MCCC1: variants seen among roughly 807,000 people sequenced by gnomAD.
MCCC1 encodes methylcrotonoyl-CoA carboxylase subunit alpha, mitochondrial.
In MCCC1, 64 loss-of-function variants were observed where a neutral mutation model predicts 83.8. The observed-to-expected ratio is 0.76, with a 90% confidence interval of 0.62 to 0.94. MCCC1 has a LOEUF of 0.94. Among genes scored for constraint, MCCC1 ranks in the 40% least tolerant of loss-of-function variants. The probability of loss-of-function intolerance (pLI) is 0.00; values close to 1 mark genes in which losing one functional copy is unlikely to be tolerated. For missense variants in MCCC1, 807 were observed against 904.7 expected (o/e 0.89, Z 1.39); for synonymous variants, 322 against 315.4 (o/e 1.02, Z -0.22).
chr3:183,044,649 G>C (rs12637471), intron 10 of MCCC1, among the ~76,000 whole-genome samples: 2 of 151,938 alleles, frequency 1.3e-5, no homozygotes, highest in South Asian at 4.1e-4. Flanking sequence ...TGTGGCCTTA[G>C]GTAGACCATG....
intron 9 of MCCC1, among the ~76,000 whole-genome samples, chr3:183,049,387 T>C (rs6806354): frequency 0.9 from 136,511 of 151,854 alleles, 61,670 homozygotes; most frequent in East Asian, 1. Context: ...CTGGCCAAGA[T>C]GGTGAAACCC....
Position 183,025,744 on chromosome 3 carries a change from G to A in MCCC1, c.1731+11C>T. 2 of 1,612,912 alleles carry A rather than the reference G, an allele frequency of 1.2e-6. No homozygotes were observed. The highest frequency in any genetic ancestry group is 8.5e-7 in the Non-Finnish European group (1 of 1,178,930). ...AGCTCTGCACTGTAGAACAAAACCA[G>A]TAAGGCTTACCTGCATGCTATAAGA... is the stretch of plus-strand genomic sequence containing the variant. On this transcript the variant is annotated intron_variant, in intron 15 of 18. Coordinates refer to ENST00000265594, the MANE Select transcript of MCCC1 (RefSeq NM_020166.5).
At chr3:183,025,728 C>G in intron 15 of MCCC1, 27 bp downstream of exon 15, 1 of 1,606,828 alleles carries the variant, frequency 6.2e-7, no homozygotes, top group Non-Finnish European at 8.5e-7. Context: ...CAGCTCTGCA[C>G]TGTAGAACAA....
chr3:183,115,083 G>A (rs908059089), intron 1 of MCCC1, among the ~76,000 whole-genome samples: 1 of 152,082 alleles, frequency 6.6e-6, no homozygotes, highest in Admixed American at 6.6e-5. Flanking sequence ...TTACAAAAAA[G>A]AGCCACACCA....
intron 1 of MCCC1, among the ~76,000 whole-genome samples, chr3:183,104,934 G>T (rs1289383779): frequency 6.6e-6 from 1 of 152,166 alleles, no homozygotes; most frequent in Non-Finnish European, 1.5e-5. Context: ...CCTAGCAAAA[G>T]AATTTCTTGG....
intron 8 of MCCC1, 51 bp downstream of exon 8, chr3:183,057,260 G>T: frequency 7.4e-7 from 1 of 1,357,982 alleles, no homozygotes; most frequent in Non-Finnish European, 1.0e-6. Context: ...GAAAATCAGA[G>T]TAAGATTCAC....
At position 183,044,276 on chromosome 3, in the gene MCCC1, A is replaced by C. The variant is rs148710700; in HGVS notation, c.1083+1137T>G. On this transcript the variant is annotated intron_variant, in intron 10 of 18. Transcript: ENST00000265594. ...GAAAAAGAAGGCTAAAGTAAAATCT[A>C]TTGTTCTTATGAGAACAAAAACAGA... Among the ~76,000 whole-genome samples, 8 of 152,332 alleles carry C rather than the reference A, an allele frequency of 5.3e-5. No individual in the cohort carries two copies. The East Asian group carries it at 1.5e-3, about 29-fold the overall frequency.
At chr3:183,099,510 T>C (rs2108578336), upstream of MCCC1, 2 of 1,536,000 alleles carry the variant, frequency 1.3e-6, no homozygotes, top group Non-Finnish European at 1.8e-6. Context: ...CCAAACCCGT[T>C]CCTCCACTAC....
At chr3:183,041,198 T>C (rs1299264444) in intron 11 of MCCC1, among the ~76,000 whole-genome samples, 2 of 152,236 alleles carry the variant, frequency 1.3e-5, no homozygotes, top group South Asian at 4.1e-4. Flanking sequence ...GTTTATGTGT[T>C]AATTCTCCAA....
intron 16 of MCCC1, among the ~76,000 whole-genome samples, chr3:183,020,565 A>G (rs1225025512): frequency 6.6e-6 from 1 of 152,062 alleles, no homozygotes; most frequent in African/African-American, 2.4e-5. Flanking sequence ...TGGGAGGTAG[A>G]GGCTGCAGTG....
At chr3:183,057,967 A>G (rs920799724) in intron 7 of MCCC1, among the ~76,000 whole-genome samples, 3 of 152,234 alleles carry the variant, frequency 2.0e-5, no homozygotes, top group Non-Finnish European at 2.9e-5. Context: ...ATAAAATGGC[A>G]ATTAAGACAC....
At chr3:183,097,273 T>C (rs918992373) in intron 1 of MCCC1, among the ~76,000 whole-genome samples, 8 of 152,082 alleles carry the variant, frequency 5.3e-5, no homozygotes, top group Admixed American at 4.6e-4. Context: ...GCTGCTTCCC[T>C]GATTCAAGGT....
intron 3 of MCCC1, among the ~76,000 whole-genome samples, chr3:183,087,540 C>T (rs577366004): frequency 2.6e-5 from 4 of 152,200 alleles, no homozygotes; most frequent in East Asian, 1.9e-4. Flanking sequence ...TGAAGGTGAT[C>T]AGGAAATGCC....
chr3:183,080,982 G>T (rs758632569), intron 4 of MCCC1, among the ~76,000 whole-genome samples: 1 of 152,172 alleles, frequency 6.6e-6, no homozygotes, highest in African/African-American at 2.4e-5. Flanking sequence ...CCCATAATAC[G>T]TGGGAATTGT....
At chr3:183,113,696 C>T (rs997081038) in intron 1 of MCCC1, among the ~76,000 whole-genome samples, 2 of 150,886 alleles carry the variant, frequency 1.3e-5, no homozygotes, top group Non-Finnish European at 2.9e-5. Context: ...GAAGATGACT[C>T]TGTCTCAAAA....
intron 1 of MCCC1, among the ~76,000 whole-genome samples, chr3:183,097,350 A>T (rs948548598): frequency 1.3e-5 from 2 of 152,232 alleles, no homozygotes; most frequent in South Asian, 4.1e-4. Context: ...GTGAGCTACT[A>T]AAGATTCATA....
chr3:183,025,656 G>A, intron 15 of MCCC1, 99 bp downstream of exon 15: 1 of 1,118,830 alleles, frequency 8.9e-7, no homozygotes, highest in Non-Finnish European at 1.4e-6. Context: ...AGTCATAATA[G>A]TCAAAGGCTT....
rs183663612 is a variant in MCCC1 at position 183,032,394 on chromosome 3, T to A, written c.1681+1597A>T. 2.0e-4 allele frequency among the ~76,000 whole-genome samples: 30 copies of A among 152,350 alleles called. No individual in the cohort carries two copies. The South Asian group carries it at 4.8e-3, about 24-fold the overall frequency. ...ATACTTCCAGATTTGGGGGGTTGTA[T>A]TTTTTAGGATGAAATGAGCATAAAT... On this transcript the variant is annotated intron_variant, in intron 14 of 18. Coordinates refer to ENST00000265594, the MANE Select transcript of MCCC1 (RefSeq NM_020166.5).
At chr3:183,097,356 T>A (rs1718817377) in intron 1 of MCCC1, among the ~76,000 whole-genome samples, 1 of 152,256 alleles carries the variant, frequency 6.6e-6, no homozygotes, top group African/African-American at 2.4e-5. Flanking sequence ...TACTAAAGAT[T>A]CATAACATAA....
Sources: allele counts gnomAD v4.1 joint callset (sites outside exome capture counted in the v4.1 genomes callset), GRCh38; gene constraint gnomAD v4.1.1; transcripts MANE v1.5; gene names NCBI Gene and HGNC (gene_info 2026-07-23, HGNC 2026-07-21).